MEI4: variants seen among roughly 807,000 people sequenced by gnomAD.
MEI4 encodes the protein meiotic double-stranded break formation protein 4.
A neutral mutation model predicts 31.4 loss-of-function variants in MEI4; 27 were observed. The ratio of observed to expected loss-of-function variants is 0.86; its 90% CI spans 0.63 to 1.19. The LOEUF (loss-of-function observed/expected upper bound fraction) is 1.19, where lower values mean the gene tolerates loss of function less well. Ranked by LOEUF, MEI4 falls within the 50% of genes most tolerant of loss-of-function variation. The probability of loss-of-function intolerance (pLI) is 0.00; values close to 1 mark genes in which losing one functional copy is unlikely to be tolerated. For synonymous variants in MEI4, 122 were observed against 145.4 expected (o/e 0.84, Z 1.16); for missense variants, 329 against 398.9 (o/e 0.82, Z 1.49).
At position 77,761,165 on chromosome 6, in the gene MEI4, A is replaced by G; in HGVS notation, c.268A>G (p.Lys90Glu). The change falls in exon 3 of 5, where the codon AAG becomes GAG. Residue 90 changes from lysine to glutamate, a missense_variant. By Grantham distance (56) the Lys-to-Glu change is moderately conservative. Coordinates refer to ENST00000684080, the MANE Select transcript of MEI4 (RefSeq NM_001322247.2). ...VSSQLEAQEP[K>E]SSESTLTSME... The stretch of plus-strand genomic sequence containing the variant: ...CTCCCAGTTGGAGGCTCAGGAACCT[A>G]AGAGTTCTGAAAGTACATTAACTTC... 1.6e-6 allele frequency: 2 copies of G among 1,232,098 alleles called. No homozygotes were observed. 76.3% of individuals were successfully genotyped at this position (1,232,098 alleles called of 1,614,324 possible).
chr6:77,697,058 G>A (rs1379828145), intron 2 of MEI4, among the ~76,000 whole-genome samples: 6 of 152,180 alleles, frequency 3.9e-5, no homozygotes, highest in African/African-American at 7.2e-5. Context: ...TTGTGTAGAG[G>A]TGTTTGTAGT....
At chr6:77,683,239 A>G (rs1768990263) in intron 1 of MEI4, among the ~76,000 whole-genome samples, 1 of 152,086 alleles carries the variant, frequency 6.6e-6, no homozygotes, top group Admixed American at 6.5e-5. Flanking sequence ...ATTAGCTAAA[A>G]TCTTCTTTGT....
chr6:77,662,745 C>A (rs1390865126), intron 1 of MEI4, among the ~76,000 whole-genome samples: 1 of 152,098 alleles, frequency 6.6e-6, no homozygotes, highest in African/African-American at 2.4e-5. Flanking sequence ...ACCATGCTAA[C>A]CATGCCTAGG....
intron 3 of MEI4, among the ~76,000 whole-genome samples, chr6:77,774,042 A>C (rs1471932065): frequency 2.0e-5 from 3 of 152,080 alleles, no homozygotes; most frequent in Admixed American, 1.3e-4. Context: ...TGGAGAAAAA[A>C]AGACCCTTGT....
chr6:77,877,714 C>A (rs936949376), intron 4 of MEI4, among the ~76,000 whole-genome samples: 1 of 99,874 alleles, frequency 1.0e-5, no homozygotes, highest in Non-Finnish European at 1.9e-5. Flanking sequence ...AAGCAGTCAG[C>A]CTTTTTTTTT....
rs545322722 is a variant in MEI4, at chr6:77,915,528, T to C, written c.901-7561T>C. On this transcript the variant is annotated intron_variant, in intron 4 of 4. Transcript: ENST00000684080. ...TCATATGGTGAGTGTTCATTAAAAG[T>C]GACCATGGGCTTTTCTCTTGCTATT... 3.9e-5 allele frequency among the ~76,000 whole-genome samples: 6 copies of C among 152,204 alleles called. No homozygotes were observed. In the South Asian group the frequency reaches 1.0e-3, roughly 26 times the overall value.
chr6:77,904,285 A>G (rs1766245513), intron 4 of MEI4, among the ~76,000 whole-genome samples: 1 of 151,732 alleles, frequency 6.6e-6, no homozygotes, highest in African/African-American at 2.4e-5. Context: ...TAAGCTGATA[A>G]CAACGTAGCT....
chr6:77,843,438 A>C (rs1770410857), intron 4 of MEI4, among the ~76,000 whole-genome samples: 1 of 151,986 alleles, frequency 6.6e-6, no homozygotes, highest in Non-Finnish European at 1.5e-5. Context: ...AATATTTAGT[A>C]TTTTAAATTA....
At chr6:77,912,363 G>T (rs929711140) in intron 4 of MEI4, among the ~76,000 whole-genome samples, 10 of 151,998 alleles carry the variant, frequency 6.6e-5, no homozygotes, top group Non-Finnish European at 1.5e-5. Flanking sequence ...TACGAAAAAT[G>T]ATATTGGTAT....
intron 4 of MEI4, among the ~76,000 whole-genome samples, chr6:77,885,030 C>T (rs1771585793): frequency 1.3e-5 from 2 of 152,032 alleles, no homozygotes; most frequent in African/African-American, 2.4e-5. Flanking sequence ...CAATTGCTTT[C>T]ATCAGAAGTT....
At chr6:77,876,469 C>T (rs1017003466) in intron 4 of MEI4, among the ~76,000 whole-genome samples, 21 of 152,142 alleles carry the variant, frequency 1.4e-4, no homozygotes, top group Non-Finnish European at 2.4e-4. Context: ...ATGCTGGCAC[C>T]GTGCTCCTGG....
chr6:77,741,347 TC>T (rs2127672779), intron 2 of MEI4, among the ~76,000 whole-genome samples: 1 of 152,252 alleles, frequency 6.6e-6, no homozygotes, highest in South Asian at 2.1e-4. Context: ...GGAGAGAATT[TC>T]TGTTATCAAA....
intron 3 of MEI4, among the ~76,000 whole-genome samples, chr6:77,772,735 A>T (rs958922027): frequency 6.6e-6 from 1 of 152,006 alleles, no homozygotes; most frequent in African/African-American, 2.4e-5. Flanking sequence ...AATAAAGTGC[A>T]TTCAGATTGG....
At chr6:77,780,190 A>G (rs553807602) in intron 3 of MEI4, among the ~76,000 whole-genome samples, 3 of 152,290 alleles carry the variant, frequency 2.0e-5, no homozygotes, top group Admixed American at 2.0e-4. Flanking sequence ...CTTCAGTAAA[A>G]GATTTGGCTG....
chr6:77,821,532 A>G (rs1486675366), intron 3 of MEI4, among the ~76,000 whole-genome samples: 1 of 152,160 alleles, frequency 6.6e-6, no homozygotes, highest in Non-Finnish European at 1.5e-5. Context: ...ATGGTGGCTC[A>G]CGCCTGTAAT....
intron 3 of MEI4, among the ~76,000 whole-genome samples, chr6:77,798,598 C>T (rs1271597893): frequency 1.3e-5 from 2 of 150,756 alleles, no homozygotes; most frequent in Non-Finnish European, 3.0e-5. Flanking sequence ...CCCATTAACT[C>T]ATCATTTAGC....
At chr6:77,727,714 A>T (rs1373843571) in intron 2 of MEI4, among the ~76,000 whole-genome samples, 4 of 152,230 alleles carry the variant, frequency 2.6e-5, no homozygotes, top group African/African-American at 4.8e-5. Context: ...CCTACATTTC[A>T]TGGACAGGTT....
intron 4 of MEI4, among the ~76,000 whole-genome samples, chr6:77,921,811 C>T (rs1766709711): frequency 1.3e-5 from 2 of 151,766 alleles, no homozygotes; most frequent in South Asian, 4.1e-4. Context: ...AGTCAGAACA[C>T]ACACACTTAT....
At chr6:77,900,441 AAGACATAGCTCT>A (rs1220734858) in intron 4 of MEI4, among the ~76,000 whole-genome samples, 2 of 152,078 alleles carry the variant, frequency 1.3e-5, no homozygotes, top group Non-Finnish European at 2.9e-5. Flanking sequence ...ATGGGAAAGA[AAGACATAGCTCT>A]AGACTATAGA....
Sources: allele counts gnomAD v4.1 joint callset (sites outside exome capture counted in the v4.1 genomes callset), GRCh38; gene constraint gnomAD v4.1.1; transcripts MANE v1.5; gene names NCBI Gene and HGNC (gene_info 2026-07-23, HGNC 2026-07-21).